The following GALNT13 variants were observed in gnomAD, a reference collection of about 807,000 sequenced individuals.
GALNT13 encodes UDP-GalNAc:polypeptide N-acetylgalactosaminyltransferase 13.
A neutral mutation model predicts 64.2 loss-of-function variants in GALNT13; 28 were observed. That is an observed-to-expected ratio of 0.44 (90% CI 0.32 to 0.60). The LOEUF (loss-of-function observed/expected upper bound fraction) is 0.60. Among genes scored for constraint, GALNT13 ranks in the 20% least tolerant of loss-of-function variants. GALNT13 has a pLI of 0.05. For missense variants in GALNT13, 577 were observed against 669.8 expected, an observed-to-expected ratio of 0.86 and a Z score of 1.53; for synonymous variants, 214 against 224.6, an observed-to-expected ratio of 0.95 and a Z score of 0.42.
intron 12 of GALNT13, among the ~76,000 whole-genome samples, chr2:154,444,958 A>G (rs1166966466): frequency 1.3e-5 from 2 of 152,014 alleles, no homozygotes; most frequent in Admixed American, 1.3e-4. Flanking sequence ...TTATTATATG[A>G]CCTCAATTGT....
chr2:154,049,515 T>TTA (rs70981698), intron 3 of GALNT13, among the ~76,000 whole-genome samples: 27,017 of 145,024 alleles, frequency 0.19, 3,024 homozygotes, highest in Non-Finnish European at 0.26. Context: ...ATTTTAAATA[T>TTA]TATATATATA....
At chr2:153,624,516 A>C in the GALNT13 span, among the ~76,000 whole-genome samples, 1 of 152,236 alleles carries the variant, frequency 6.6e-6, no homozygotes, top group South Asian at 2.1e-4. Context: ...CCATAAAAAC[A>C]GCATGTCCCA....
the GALNT13 span, among the ~76,000 whole-genome samples, chr2:153,274,269 C>T: frequency 6.6e-6 from 1 of 152,076 alleles, no homozygotes; most frequent in African/African-American, 2.4e-5. Context: ...ACTTGGCCTG[C>T]CAGGTGTTTA....
At chr2:153,748,203 G>A in the GALNT13 span, among the ~76,000 whole-genome samples, 1 of 152,074 alleles carries the variant, frequency 6.6e-6, no homozygotes, top group Non-Finnish European at 1.5e-5. Flanking sequence ...TGAATTTGGA[G>A]ATTCCTCAAA....
At chr2:153,809,509 A>G in the GALNT13 span, among the ~76,000 whole-genome samples, 1 of 152,148 alleles carries the variant, frequency 6.6e-6, no homozygotes, top group Non-Finnish European at 1.5e-5. Flanking sequence ...CTTTTAATCA[A>G]AAAACAAAAC....
At chr2:154,192,859 A>G (rs1686672823) in intron 4 of GALNT13, among the ~76,000 whole-genome samples, 1 of 152,256 alleles carries the variant, frequency 6.6e-6, no homozygotes, top group African/African-American at 2.4e-5. Context: ...GTCAAGAGCT[A>G]GTTTCAATAT....
chr2:153,130,955 G>T, the GALNT13 span, among the ~76,000 whole-genome samples: 37 of 152,138 alleles, frequency 2.4e-4, no homozygotes, highest in Admixed American at 4.6e-4. Context: ...CCGCATACAT[G>T]CTCAGAGCAC....
chr2:153,725,360 G>T, the GALNT13 span, among the ~76,000 whole-genome samples: 1 of 151,442 alleles, frequency 6.6e-6, no homozygotes, highest in Non-Finnish European at 1.5e-5. Flanking sequence ...AATGCTAGAT[G>T]ACGAGTTAGT....
chr2:154,088,861 T>C (rs1701661753), intron 3 of GALNT13, among the ~76,000 whole-genome samples: 1 of 152,172 alleles, frequency 6.6e-6, no homozygotes, highest in South Asian at 2.1e-4. Context: ...GATTGCATTA[T>C]TGTGTTTAAA....
chr2:153,634,810 A>G, the GALNT13 span, among the ~76,000 whole-genome samples: 1,830 of 151,964 alleles, frequency 0.012, 34 homozygotes, highest in African/African-American at 0.041. Flanking sequence ...CGGCCTCCCA[A>G]AGTGCTGGAA....
At chr2:153,237,950 C>T in the GALNT13 span, among the ~76,000 whole-genome samples, 11 of 151,982 alleles carry the variant, frequency 7.2e-5, no homozygotes, top group African/African-American at 2.2e-4. Context: ...ATGCCCACCA[C>T]CAGTGTATGA....
At chr2:153,332,975 A>G in the GALNT13 span, among the ~76,000 whole-genome samples, 3 of 152,096 alleles carry the variant, frequency 2.0e-5, no homozygotes, top group Non-Finnish European at 2.9e-5. Flanking sequence ...TTGTCTTCCC[A>G]CCCCAGGCTT....
chr2:153,671,102 A>ATG, the GALNT13 span, among the ~76,000 whole-genome samples: 3 of 152,218 alleles, frequency 2.0e-5, no homozygotes, highest in Non-Finnish European at 2.9e-5. Context: ...GACGGGGAGA[A>ATG]TGGAACCAAG....
chr2:153,402,175 C>T, the GALNT13 span, among the ~76,000 whole-genome samples: 1 of 147,286 alleles, frequency 6.8e-6, no homozygotes, highest in South Asian at 2.2e-4. Flanking sequence ...TTTATTTGTC[C>T]TTCACTTATG....
At chr2:153,897,948 A>G (rs1359637487) in intron 1 of GALNT13, among the ~76,000 whole-genome samples, 1 of 152,058 alleles carries the variant, frequency 6.6e-6, no homozygotes, top group Non-Finnish European at 1.5e-5. Flanking sequence ...ATGCCACCTC[A>G]AATGTCATGT....
chr2:154,445,573 A>G (rs752950771), intron 12 of GALNT13, among the ~76,000 whole-genome samples: 1 of 151,132 alleles, frequency 6.6e-6, no homozygotes, highest in Non-Finnish European at 1.5e-5. Flanking sequence ...TATATAGTTA[A>G]CAATATTATT....
the GALNT13 span, among the ~76,000 whole-genome samples, chr2:153,571,753 T>A: frequency 6.6e-6 from 1 of 152,080 alleles, no homozygotes; most frequent in African/African-American, 2.4e-5. Flanking sequence ...TCACTTTGAC[T>A]AATTTGCAAA....
the GALNT13 span, among the ~76,000 whole-genome samples, chr2:153,327,255 T>C: frequency 6.6e-6 from 1 of 152,152 alleles, no homozygotes; most frequent in Non-Finnish European, 1.5e-5. Context: ...ATTTCAGCCA[T>C]GGTGAATCTG....
chr2:154,444,779 T>C (rs1022280601), intron 12 of GALNT13, among the ~76,000 whole-genome samples: 1 of 152,068 alleles, frequency 6.6e-6, no homozygotes, highest in Non-Finnish European at 1.5e-5. Flanking sequence ...AAATACAATA[T>C]ATTTTTGTTA....
Sources: allele counts gnomAD v4.1 joint callset (sites outside exome capture counted in the v4.1 genomes callset), GRCh38; gene constraint gnomAD v4.1.1; transcripts MANE v1.5; gene names NCBI Gene and HGNC (gene_info 2026-07-23, HGNC 2026-07-21).